Variants in ZNF30 observed in about 807,000 individuals in gnomAD.
The protein encoded by ZNF30 is zinc finger protein 30 (KOX 28).
ZNF30 carries 15 observed loss-of-function variants against 13.2 expected under a neutral mutation model. The ratio of observed to expected loss-of-function variants is 1.13; its 90% CI spans 0.76 to 1.75. The LOEUF (loss-of-function observed/expected upper bound fraction) is 1.75, where lower values mean the gene tolerates loss of function less well. Among genes scored for constraint, ZNF30 ranks in the 40% most tolerant of loss-of-function variants. The pLI is 0.00. For missense variants in ZNF30, 726 were observed against 757.0 expected (o/e 0.96, Z 0.48); for synonymous variants, 223 against 256.6 (o/e 0.87, Z 1.25).
intron 4 of ZNF30, among the ~76,000 whole-genome samples, chr19:34,940,555 C>G (rs1359440397): frequency 1.3e-5 from 2 of 150,710 alleles, no homozygotes; most frequent in East Asian, 3.9e-4. Context: ...GTAATCCCAG[C>G]TACTCAGGAG....
At chr19:34,925,323 G>C (rs2012026063), upstream of ZNF30, among the ~76,000 whole-genome samples, 1 of 152,222 alleles carries the variant, frequency 6.6e-6, no homozygotes, top group African/African-American at 2.4e-5. Flanking sequence ...ATCACACATG[G>C]GCTTGGAGGA....
chr19:34,925,122 G>C (rs1336702339), upstream of ZNF30, among the ~76,000 whole-genome samples: 4 of 148,656 alleles, frequency 2.7e-5, no homozygotes, highest in Non-Finnish European at 4.4e-5. Flanking sequence ...GCGGGCTGTG[G>C]GGCTCTGACC....
In ZNF30 at chr19:34,932,030, C is replaced by G. The variant is rs200688906; in HGVS notation, c.160+37C>G. On this transcript the variant is annotated intron_variant, in intron 3 of 4. Coordinates refer to ENST00000601142, the MANE Select transcript of ZNF30 (RefSeq NM_194325.3). ...TCTCTCAAATAATTGAGAATCTGCT[C>G]CCTGTTATACTTTCTCCTTTGCAGA... 2.6e-6 allele frequency: 4 copies of G among 1,513,174 alleles called. No individual in the cohort carries two copies. In the East Asian group the frequency reaches 7.3e-5, roughly 28 times the overall value. 93.7% of individuals were successfully genotyped at this position (1,513,174 alleles called of 1,614,324 possible). A position where few individuals can be genotyped will look rare whatever the true frequency, so the allele number is the denominator to read the frequency against.
At chr19:34,926,889 CG>C (rs2012096764), upstream of ZNF30, 6 of 397,926 alleles carry the variant, frequency 1.5e-5, no homozygotes, top group Admixed American at 2.6e-4. Context: ...AGTCTCCGGG[CG>C]CCGGTGGGCG....
chr19:34,931,629 C>G (rs2012457171), intron 2 of ZNF30, among the ~76,000 whole-genome samples: 1 of 152,138 alleles, frequency 6.6e-6, no homozygotes, highest in Non-Finnish European at 1.5e-5. Flanking sequence ...TCCATTTCAC[C>G]ACAAATCTGG....
chr19:34,940,241 C>G (rs1233637108), intron 4 of ZNF30, among the ~76,000 whole-genome samples: 1 of 152,142 alleles, frequency 6.6e-6, no homozygotes, highest in Non-Finnish European at 1.5e-5. Context: ...CTCAGTGTCC[C>G]CTGTCTCCTT....
chr19:34,933,937 T>C (rs1234895270), intron 4 of ZNF30, among the ~76,000 whole-genome samples: 7 of 152,190 alleles, frequency 4.6e-5, no homozygotes. Flanking sequence ...TCACCTCTTG[T>C]TTCCCTCTCA....
chr19:34,943,588 C>T lies in ZNF30; in HGVS notation c.622C>T (p.Gln208Ter), dbSNP rs745350494. The T allele has an allele frequency of 6.2e-7, 1 of 1,613,322 alleles. No homozygotes were observed. The highest frequency in any genetic ancestry group is 8.5e-7 in the Non-Finnish European group (1 of 1,179,692). ...HTGEKPLKCK[Q>*]CGKTISGSYQ... ...TGGTGAGAAGCCACTCAAATGTAAG[C>T]AATGTGGAAAGACTATTAGTGGTAG... The change falls in exon 5 of 5, where the codon CAA becomes TAA. Residue 208 changes from glutamine (Q) to a stop codon, truncating the protein, a stop_gained. Transcript: ENST00000601142. LOFTEE classifies it low-confidence loss of function (END_TRUNC).
At position 34,943,714 on chromosome 19, in the gene ZNF30, C is replaced by A. The variant is rs1363492935; in HGVS notation, c.748C>A (p.His250Asn). The A allele has an allele frequency of 6.2e-7, 1 of 1,613,416 alleles. No homozygotes were observed. The highest frequency in any genetic ancestry group is 1.3e-5 in the African/African-American group (1 of 74,902). ...TCTAGTATATGGAAAGCTTACCCGG[C>A]ATCAGAGTACTCACACTGGTGAAAA... ...AFLVYGKLTRHQSTHTGEKPF... is the reference protein window; with the variant it reads ...AFLVYGKLTRNQSTHTGEKPF... The change falls in exon 5 of 5, where the codon CAT (histidine) becomes AAT (asparagine). Residue 250 changes from histidine to asparagine, a missense_variant. Physicochemically the swap from His to Asn is moderately conservative, Grantham distance 68 (BLOSUM62 1). Transcript: ENST00000601142.
intron 1 of ZNF30, among the ~76,000 whole-genome samples, chr19:34,928,171 G>A (rs1262790120): frequency 7.1e-6 from 1 of 141,502 alleles, no homozygotes; most frequent in African/African-American, 2.6e-5. Context: ...TGGCACCACC[G>A]CAATCCAGCC....
At chr19:34,929,579 GGAGT>G (rs2012327104) in intron 1 of ZNF30, among the ~76,000 whole-genome samples, 2 of 152,208 alleles carry the variant, frequency 1.3e-5, no homozygotes, top group Admixed American at 1.3e-4. Context: ...ACGTGGGAAT[GGAGT>G]GAGGAGAATC....
chr19:34,927,477 A>G (rs1224289915), intron 1 of ZNF30, among the ~76,000 whole-genome samples: 1 of 152,230 alleles, frequency 6.6e-6, no homozygotes, highest in African/African-American at 2.4e-5. Flanking sequence ...AGCGGGAAGA[A>G]ATGGGATTGC....
chr19:34,944,689 A>G lies in ZNF30; in HGVS notation c.1723A>G (p.Lys575Glu). 1 of 1,612,580 alleles carries G rather than the reference A, an allele frequency of 6.2e-7. No individual in the cohort carries two copies. The highest frequency in any genetic ancestry group is 1.3e-5 in the African/African-American group (1 of 75,034). ...EKPFECKECG[K>E]AFRLNSFLTE... ...ACCTTTTGAATGTAAGGAATGCGGG[A>G]AGGCCTTTAGACTTAATTCATTCCT... The change falls in exon 5 of 5, where the codon AAG (lysine) becomes GAG (glutamate). Residue 575 changes from lysine (K) to glutamate (E), a missense_variant. Lys to Glu is a moderately conservative substitution (Grantham distance 56, BLOSUM62 1). Transcript: ENST00000601142.
chr19:34,933,787 G>A, intron 4 of ZNF30, 64 bp downstream of exon 4: 1 of 1,121,236 alleles, frequency 8.9e-7, no homozygotes, highest in Non-Finnish European at 1.3e-6. Flanking sequence ...TGTCAGGGAG[G>A]AAGTGCATCT....
Position 34,928,965 on chromosome 19 carries a change from T to A in ZNF30, c.-64-919T>A, listed in dbSNP as rs544383014. On this transcript the variant is annotated intron_variant, in intron 1 of 4. Transcript: ENST00000601142. ...GATCTTAGAGTGTATCTCCCCCCTGTGGATAAGAGGGAGCTACCATAGTAA... is the reference window on the plus strand; with the variant it reads ...GATCTTAGAGTGTATCTCCCCCCTGAGGATAAGAGGGAGCTACCATAGTAA... 1.2e-4 allele frequency among the ~76,000 whole-genome samples: 18 copies of A among 152,200 alleles called. No individual in the cohort carries two copies. The South Asian group carries it at 2.1e-3, about 18-fold the overall frequency.
At chr19:34,937,806 T>C (rs1295159360) in intron 4 of ZNF30, among the ~76,000 whole-genome samples, 1 of 151,856 alleles carries the variant, frequency 6.6e-6, no homozygotes, top group East Asian at 1.9e-4. Context: ...ACAATATATA[T>C]ATATTTTTTC....
Position 34,943,625 on chromosome 19 carries a change from C to T in ZNF30, c.659C>T (p.Thr220Ile). ...ACTATTAGTGGTAGCTATCAACTTACAGTACATAAGAGTATTCATACTGGG... is the reference window on the plus strand; with the variant it reads ...ACTATTAGTGGTAGCTATCAACTTATAGTACATAAGAGTATTCATACTGGG... The part of the protein sequence containing the change: ...GKTISGSYQL[T>I]VHKSIHTGKK... Residue 220 changes from threonine (T) to isoleucine (I), a missense_variant, in exon 5 of 5, where the codon ACA becomes ATA. Thr to Ile is a moderately conservative substitution (Grantham distance 89). Coordinates refer to ENST00000601142, the MANE Select transcript of ZNF30 (RefSeq NM_194325.3). 3.7e-6 allele frequency: 6 copies of T among 1,613,680 alleles called. No individual in the cohort carries two copies. Among genetic ancestry groups the T allele is most frequent in the East Asian group, 2.2e-5 (1 of 44,884 alleles).
At chr19:34,930,208 AGTGGAG>A (rs1440556582) in intron 2 of ZNF30, among the ~76,000 whole-genome samples, 2 of 152,230 alleles carry the variant, frequency 1.3e-5, no homozygotes, top group Non-Finnish European at 2.9e-5. Context: ...GTGATAGAGC[AGTGGAG>A]GATTGAAGTC....
chr19:34,941,822 A>G (rs2013063334), intron 4 of ZNF30, among the ~76,000 whole-genome samples: 1 of 152,150 alleles, frequency 6.6e-6, no homozygotes, highest in African/African-American at 2.4e-5. Context: ...ATAATATGGC[A>G]ATATTTTAAA....
Sources: allele counts gnomAD v4.1 joint callset (sites outside exome capture counted in the v4.1 genomes callset), GRCh38; gene constraint gnomAD v4.1.1; transcripts MANE v1.5; gene names NCBI Gene and HGNC (gene_info 2026-07-23, HGNC 2026-07-21).